KIAA1549L: variants seen among roughly 807,000 people sequenced by gnomAD.
KIAA1549L encodes KIAA1549 like.
In KIAA1549L, 88 loss-of-function variants were observed where a neutral mutation model predicts 160.7. The observed-to-expected ratio is 0.55, with a 90% CI of 0.46 to 0.65. The LOEUF (loss-of-function observed/expected upper bound fraction) is 0.65, where lower values mean the gene tolerates loss of function less well. Among genes scored for constraint, KIAA1549L ranks in the 30% least tolerant of loss-of-function variants. KIAA1549L has a pLI of 0.00. For missense variants in KIAA1549L, 2,258 were observed against 2,437.5 expected, an observed-to-expected ratio of 0.93 and a Z score of 1.55; for synonymous variants, 950 against 976.7, an observed-to-expected ratio of 0.97 and a Z score of 0.51.
At chr11:33,570,516 T>C (rs1208442737) in intron 9 of KIAA1549L, among the ~76,000 whole-genome samples, 3 of 152,138 alleles carry the variant, frequency 2.0e-5, no homozygotes, top group Non-Finnish European at 4.4e-5. Flanking sequence ...TCATTCAACT[T>C]CTACCAGATT....
At chr11:33,598,230 C>CTG (rs1850259591) in intron 12 of KIAA1549L, among the ~76,000 whole-genome samples, 2 of 73,222 alleles carry the variant, frequency 2.7e-5, no homozygotes, top group African/African-American at 1.0e-4. Context: ...GTGTGTGTGT[C>CTG]AGAGTGAAGC....
At chr11:33,514,784 A>G (rs1405790997) in intron 1 of KIAA1549L, among the ~76,000 whole-genome samples, 1 of 152,140 alleles carries the variant, frequency 6.6e-6, no homozygotes, top group Admixed American at 6.5e-5. Context: ...TGTTTTCAGG[A>G]TTTTGCAGCC....
intron 1 of KIAA1549L, among the ~76,000 whole-genome samples, chr11:33,490,120 C>T (rs1852622979): frequency 6.6e-6 from 1 of 152,006 alleles, no homozygotes; most frequent in Non-Finnish European, 1.5e-5. Context: ...CATAACTACT[C>T]AATAAGTTTC....
intron 6 of KIAA1549L, among the ~76,000 whole-genome samples, chr11:33,557,864 G>A (rs942072637): frequency 2.6e-5 from 4 of 152,092 alleles, no homozygotes; most frequent in Admixed American, 2.6e-4. Context: ...TTCAGTCTGC[G>A]GGACAGAGTG....
intron 8 of KIAA1549L, among the ~76,000 whole-genome samples, chr11:33,565,081 A>T (rs1855003154): frequency 6.6e-6 from 1 of 152,126 alleles, no homozygotes. Flanking sequence ...TGGCTGATGC[A>T]CTAGGGGGCT....
intron 1 of KIAA1549L, among the ~76,000 whole-genome samples, chr11:33,524,757 A>G (rs774461169): frequency 2.4e-4 from 37 of 152,192 alleles, no homozygotes; most frequent in Non-Finnish European, 4.3e-4. Context: ...CATTTCAGTT[A>G]GAGTTAGATT....
intron 12 of KIAA1549L, among the ~76,000 whole-genome samples, chr11:33,596,209 G>C (rs573641311): frequency 6.6e-6 from 1 of 152,094 alleles, no homozygotes; most frequent in Non-Finnish European, 1.5e-5. Context: ...TTTTGTTACT[G>C]TCATGTGAGT....
At chr11:33,419,960 GTATTA>G (rs1007788367) in intron 1 of KIAA1549L, among the ~76,000 whole-genome samples, 1 of 152,000 alleles carries the variant, frequency 6.6e-6, no homozygotes, top group African/African-American at 2.4e-5. Context: ...CAAAGAGACC[GTATTA>G]TAATATTAGG....
At chr11:33,625,619 T>G (rs1851085592) in intron 16 of KIAA1549L, among the ~76,000 whole-genome samples, 1 of 151,742 alleles carries the variant, frequency 6.6e-6, no homozygotes, top group African/African-American at 2.4e-5. Context: ...TGTTTTTTTC[T>G]TGTAAATTTG....
At chr11:33,534,292 G>C (rs1195176783) in intron 1 of KIAA1549L, among the ~76,000 whole-genome samples, 1 of 150,440 alleles carries the variant, frequency 6.6e-6, no homozygotes, top group African/African-American at 2.4e-5. Flanking sequence ...GGGTTTCACC[G>C]TGTTGGTCAG....
At chr11:33,489,582 A>T (rs76135137) in intron 1 of KIAA1549L, among the ~76,000 whole-genome samples, 2,816 of 152,298 alleles carry the variant, frequency 0.018, 80 homozygotes, top group African/African-American at 0.062. Flanking sequence ...CCATGTAGTC[A>T]TTCAGAGGCC....
intron 1 of KIAA1549L, among the ~76,000 whole-genome samples, chr11:33,378,145 G>A (rs2753408): frequency 0.4 from 61,507 of 152,056 alleles, 12,913 homozygotes; most frequent in Middle Eastern, 0.48. Flanking sequence ...AAAGACCCAC[G>A]TAAATACCTT....
intron 15 of KIAA1549L, among the ~76,000 whole-genome samples, chr11:33,618,205 G>C (rs1302069502): frequency 1.3e-5 from 2 of 152,234 alleles, no homozygotes; most frequent in Non-Finnish European, 2.9e-5. Flanking sequence ...ATCAGCGTTA[G>C]CTGTCCTAGA....
chr11:33,630,679 C>G lies in KIAA1549L; in HGVS notation c.5409+12017C>G, dbSNP rs1417538449. 3.9e-5 allele frequency among the ~76,000 whole-genome samples: 6 copies of G among 152,254 alleles called. No homozygotes were observed. The East Asian group carries it at 1.2e-3, about 29-fold the overall frequency. On this transcript the variant is annotated intron_variant, in intron 16 of 20. Transcript: ENST00000658780. ...GCACCCAGTGACCTGCGCCCACTGT[C>G]TGGCACTCCCTAGTGAGATGAACCC...
intron 1 of KIAA1549L, among the ~76,000 whole-genome samples, chr11:33,514,274 CAA>C (rs1252085496): frequency 6.6e-6 from 1 of 152,152 alleles, no homozygotes; most frequent in Non-Finnish European, 1.5e-5. Flanking sequence ...GTATTTTATG[CAA>C]AGTCATTGAA....
chr11:33,391,021 A>C (rs1311245556), intron 1 of KIAA1549L, among the ~76,000 whole-genome samples: 2 of 152,234 alleles, frequency 1.3e-5, no homozygotes, highest in Non-Finnish European at 2.9e-5. Context: ...AGGCCAGTCA[A>C]CTAGTTGCAT....
intron 1 of KIAA1549L, among the ~76,000 whole-genome samples, chr11:33,446,578 G>A (rs867177196): frequency 6.6e-6 from 1 of 152,090 alleles, no homozygotes; most frequent in South Asian, 2.1e-4. Flanking sequence ...GCTTGGCCAC[G>A]TAGTTCTGCT....
intron 1 of KIAA1549L, among the ~76,000 whole-genome samples, chr11:33,449,864 C>T (rs1043894483): frequency 6.6e-6 from 1 of 152,204 alleles, no homozygotes; most frequent in Non-Finnish European, 1.5e-5. Flanking sequence ...ATAAGCCCTA[C>T]CTATTTGACC....
intron 17 of KIAA1549L, among the ~76,000 whole-genome samples, chr11:33,653,694 C>T (rs796695182): frequency 1.1e-4 from 17 of 152,222 alleles, no homozygotes; most frequent in African/African-American, 3.9e-4. Flanking sequence ...TTCTTCTCTC[C>T]TTTGGGACTT....
Sources: allele counts gnomAD v4.1 joint callset (sites outside exome capture counted in the v4.1 genomes callset), GRCh38; gene constraint gnomAD v4.1.1; transcripts MANE v1.5; gene names NCBI Gene and HGNC (gene_info 2026-07-23, HGNC 2026-07-21).